LYPD6B: variants seen among roughly 807,000 people sequenced by gnomAD.
LYPD6B encodes ly6/PLAUR domain-containing protein 6B.
A neutral mutation model predicts 22.8 loss-of-function variants in LYPD6B; 17 were observed. That is an observed-to-expected ratio of 0.75 (90% confidence interval 0.51 to 1.12). The LOEUF is 1.12. Ranked by LOEUF, LYPD6B falls within the 50% of genes most tolerant of loss-of-function variation. The probability of loss-of-function intolerance (pLI) is 0.00; values close to 1 mark genes in which losing one functional copy is unlikely to be tolerated. For synonymous variants in LYPD6B, 106 were observed against 91.6 expected (o/e 1.16, Z -0.90); for missense variants, 221 against 258.3 (o/e 0.86, Z 0.99).
chr2:149,168,359 C>T (rs559773339), intron 3 of LYPD6B, among the ~76,000 whole-genome samples: 1 of 152,216 alleles, frequency 6.6e-6, no homozygotes, highest in South Asian at 2.1e-4. Context: ...GTAGCAGCCA[C>T]TTTAGCAACG....
At chr2:149,206,389 TATACAC>T (rs1292694401) in intron 4 of LYPD6B, among the ~76,000 whole-genome samples, 8 of 152,146 alleles carry the variant, frequency 5.3e-5, no homozygotes, top group Admixed American at 2.0e-4. Flanking sequence ...TGTGTGCATA[TATACAC>T]ATGTATACTA....
At chr2:149,162,677 A>C (rs1269859364) in intron 3 of LYPD6B, among the ~76,000 whole-genome samples, 2 of 152,124 alleles carry the variant, frequency 1.3e-5, no homozygotes, top group African/African-American at 4.8e-5. Context: ...AAATCACCCA[A>C]TTTTAAAAGG....
chr2:149,210,276 G>A (rs559407710), intron 5 of LYPD6B, among the ~76,000 whole-genome samples: 1 of 152,272 alleles, frequency 6.6e-6, no homozygotes, highest in South Asian at 2.1e-4. Context: ...TGAACCAAAG[G>A]AGAAGCTGCA....
At chr2:149,175,767 C>A (rs1480461015) in intron 3 of LYPD6B, among the ~76,000 whole-genome samples, 1 of 144,360 alleles carries the variant, frequency 6.9e-6, no homozygotes, top group Non-Finnish European at 1.5e-5. Context: ...AACTAAGACA[C>A]AAACACACAC....
rs529198011 is a variant in LYPD6B at position 149,119,020 on chromosome 2, A to AGG, written c.-66-11862_-66-11861dup. On this transcript the variant is annotated intron_variant, in intron 1 of 6. Transcript: ENST00000409642. ...AACTGAAAAGTGCTTTATAAATGTAAGGTGGCAGTGTTCTTAATATTATTC... is the reference window on the plus strand; with the variant it reads ...AACTGAAAAGTGCTTTATAAATGTAAGGGGTGGCAGTGTTCTTAATATTATTC... 1.4e-4 allele frequency: 21 copies of AGG among 152,368 alleles called. No individual in the cohort carries two copies. The East Asian group carries it at 3.7e-3, about 27-fold the overall frequency. 9.4% of individuals were successfully genotyped at this position (152,368 alleles called of 1,614,324 possible).
intron 1 of LYPD6B, among the ~76,000 whole-genome samples, chr2:149,040,209 C>G (rs1203246004): frequency 2.1e-5 from 3 of 143,024 alleles, no homozygotes; most frequent in Non-Finnish European, 4.6e-5. Flanking sequence ...CTCTGTCTCT[C>G]TCTCTCTCTC....
chr2:149,196,061 T>C (rs1692789182), intron 3 of LYPD6B, among the ~76,000 whole-genome samples: 1 of 152,244 alleles, frequency 6.6e-6, no homozygotes, highest in Non-Finnish European at 1.5e-5. Flanking sequence ...AATGTAGTTT[T>C]TCATTTTGCA....
intron 1 of LYPD6B, among the ~76,000 whole-genome samples, chr2:149,046,768 A>T (rs1007708570): frequency 6.6e-6 from 1 of 152,156 alleles, no homozygotes; most frequent in Non-Finnish European, 1.5e-5. Flanking sequence ...GTAGTCTTAT[A>T]GCAGTATATT....
chr2:149,041,630 A>G (rs1448979807), intron 1 of LYPD6B, among the ~76,000 whole-genome samples: 4 of 152,206 alleles, frequency 2.6e-5, no homozygotes. Flanking sequence ...TAGGTAGGCA[A>G]CAAACTGTGT....
intron 1 of LYPD6B, among the ~76,000 whole-genome samples, chr2:149,095,405 A>G (rs1317277334): frequency 1.3e-5 from 2 of 152,252 alleles, no homozygotes; most frequent in Non-Finnish European, 2.9e-5. Context: ...AATACAGTTG[A>G]AGACGTTTAA....
chr2:149,134,057 A>C (rs1688194581), intron 2 of LYPD6B, among the ~76,000 whole-genome samples: 1 of 152,116 alleles, frequency 6.6e-6, no homozygotes, highest in African/African-American at 2.4e-5. Context: ...CCAGCAGGGA[A>C]GGGGGCTGGG....
chr2:149,101,397 C>G (rs1374617102), intron 1 of LYPD6B: 2 of 152,282 alleles, frequency 1.3e-5, no homozygotes, highest in East Asian at 3.8e-4. Flanking sequence ...TGGGGTGGGA[C>G]ATCACAGCCC....
chr2:149,093,882 T>G (rs1049062510), intron 1 of LYPD6B, among the ~76,000 whole-genome samples: 2 of 152,242 alleles, frequency 1.3e-5, no homozygotes, highest in African/African-American at 4.8e-5. Context: ...TGGTGATGCA[T>G]TCGCTTCTTC....
chr2:149,096,130 A>G (rs1226270148), intron 1 of LYPD6B, among the ~76,000 whole-genome samples: 2 of 152,122 alleles, frequency 1.3e-5, no homozygotes, highest in Non-Finnish European at 2.9e-5. Context: ...AGAATGGCTC[A>G]CAGAGAGAGA....
intron 1 of LYPD6B, among the ~76,000 whole-genome samples, chr2:149,040,950 C>T (rs1283479672): frequency 6.6e-6 from 1 of 152,166 alleles, no homozygotes; most frequent in Non-Finnish European, 1.5e-5. Flanking sequence ...TTGAGAAGCT[C>T]ACAGTCTAGT....
At chr2:149,061,961 C>T (rs1269074654) in intron 1 of LYPD6B, among the ~76,000 whole-genome samples, 2 of 151,394 alleles carry the variant, frequency 1.3e-5, no homozygotes, top group Non-Finnish European at 2.9e-5. Context: ...GAAGGAGAAA[C>T]ATCGTAGAAT....
At chr2:149,047,007 G>A (rs748386571) in intron 1 of LYPD6B, among the ~76,000 whole-genome samples, 111 of 152,072 alleles carry the variant, frequency 7.3e-4, no homozygotes, top group Non-Finnish European at 1.3e-3. Flanking sequence ...TAGTTCATTG[G>A]TTATGCTAAA....
At chr2:149,078,304 G>T (rs1202312481) in intron 1 of LYPD6B, among the ~76,000 whole-genome samples, 1 of 152,134 alleles carries the variant, frequency 6.6e-6, no homozygotes, top group Non-Finnish European at 1.5e-5. Flanking sequence ...GTTTGCTTTT[G>T]CTTCCCTTCC....
chr2:149,123,446 TA>T (rs996431512), intron 1 of LYPD6B, among the ~76,000 whole-genome samples: 2 of 152,042 alleles, frequency 1.3e-5, no homozygotes, highest in African/African-American at 4.8e-5. Flanking sequence ...GGAAGATCTT[TA>T]AAAAAAGATC....
Sources: gnomAD v4.1 joint callset for allele counts (sites outside exome capture counted in the v4.1 genomes callset) on GRCh38, gnomAD v4.1.1 for gene constraint, MANE v1.5 for transcripts, NCBI Gene and HGNC (gene_info 2026-07-23, HGNC 2026-07-21) for gene names.